Variants in ANO2 observed in about 807,000 individuals in gnomAD.
The protein encoded by ANO2 is anoctamin-2.
A neutral mutation model predicts 124.2 loss-of-function variants in ANO2; 101 were observed. The ratio of observed to expected loss-of-function variants is 0.81; its 90% CI spans 0.69 to 0.96. The LOEUF (loss-of-function observed/expected upper bound fraction) is 0.96. ANO2 is among the 40% of genes least tolerant of loss of function. The pLI is 0.00. For missense variants in ANO2, 1,293 were observed against 1,274.5 expected, an observed-to-expected ratio of 1.01 and a Z score of -0.22; for synonymous variants, 486 against 482.5, an observed-to-expected ratio of 1.01 and a Z score of -0.09.
At chr12:5,825,643 G>C (rs1019056000) in intron 7 of ANO2, among the ~76,000 whole-genome samples, 2 of 152,182 alleles carry the variant, frequency 1.3e-5, no homozygotes, top group African/African-American at 4.8e-5. Flanking sequence ...GGCTAAGGAG[G>C]GAATTACAGT....
chr12:5,835,971 C>G (rs1000583575), intron 4 of ANO2, among the ~76,000 whole-genome samples: 1 of 152,232 alleles, frequency 6.6e-6, no homozygotes, highest in African/African-American at 2.4e-5. Context: ...CCATACCATA[C>G]CCACGTGTCT....
At chr12:5,739,279 C>T (rs772013214) in intron 13 of ANO2, 38 bp downstream of exon 13, 20 of 1,530,096 alleles carry the variant, frequency 1.3e-5, no homozygotes, top group Non-Finnish European at 9.8e-6. Context: ...AAAGCAAAAG[C>T]CCACAGAAGT....
At chr12:5,684,045 T>C (rs897750109) in intron 14 of ANO2, among the ~76,000 whole-genome samples, 1 of 152,196 alleles carries the variant, frequency 6.6e-6, no homozygotes, top group East Asian at 1.9e-4. Flanking sequence ...GGGGTGACTG[T>C]AATCCACTTC....
intron 10 of ANO2, among the ~76,000 whole-genome samples, chr12:5,760,316 T>A (rs1325292546): frequency 6.6e-6 from 1 of 152,188 alleles, no homozygotes; most frequent in African/African-American, 2.4e-5. Context: ...AAAAATGCAA[T>A]CTACCAAGGA....
At chr12:5,823,884 A>G (rs1295023722) in intron 7 of ANO2, among the ~76,000 whole-genome samples, 1 of 152,228 alleles carries the variant, frequency 6.6e-6, no homozygotes, top group Admixed American at 6.5e-5. Context: ...CCAAACCTCA[A>G]TTCTTGACTT....
intron 17 of ANO2, among the ~76,000 whole-genome samples, chr12:5,613,395 G>T (rs958958012): frequency 6.6e-6 from 1 of 152,144 alleles, no homozygotes; most frequent in African/African-American, 2.4e-5. Flanking sequence ...CTAAAGTTGC[G>T]AATAGAGATT....
intron 3 of ANO2, among the ~76,000 whole-genome samples, chr12:5,892,332 G>T (rs938204249): frequency 6.6e-6 from 1 of 152,140 alleles, no homozygotes; most frequent in Non-Finnish European, 1.5e-5. Context: ...GCTCCAGAAG[G>T]TCAGAAGAAT....
At chr12:5,605,684 T>C (rs1944183497) in intron 19 of ANO2, among the ~76,000 whole-genome samples, 1 of 152,106 alleles carries the variant, frequency 6.6e-6, no homozygotes, top group African/African-American at 2.4e-5. Flanking sequence ...GTGTGGCATG[T>C]GTTTCGGGGG....
At chr12:5,912,600 G>A (rs1011888424) in intron 3 of ANO2, among the ~76,000 whole-genome samples, 14 of 152,156 alleles carry the variant, frequency 9.2e-5, no homozygotes, top group African/African-American at 2.2e-4. Context: ...CAGGCTGCCC[G>A]GAGGCGTCCC....
intron 4 of ANO2, among the ~76,000 whole-genome samples, chr12:5,841,099 C>A (rs1254616181): frequency 6.6e-6 from 1 of 152,236 alleles, no homozygotes; most frequent in African/African-American, 2.4e-5. Flanking sequence ...CTGCGAGAGG[C>A]ACACAGGCAC....
intron 1 of ANO2, among the ~76,000 whole-genome samples, chr12:5,941,740 C>T (rs958973824): frequency 1.1e-4 from 17 of 149,992 alleles, no homozygotes; most frequent in African/African-American, 3.9e-4. Flanking sequence ...AATATCAAAT[C>T]TTGAACACTA....
intron 11 of ANO2, among the ~76,000 whole-genome samples, chr12:5,746,479 A>T (rs1344091504): frequency 6.6e-6 from 1 of 152,248 alleles, no homozygotes; most frequent in Non-Finnish European, 1.5e-5. Context: ...CTGCCTCTAG[A>T]CAAGCTGAAA....
intron 3 of ANO2, among the ~76,000 whole-genome samples, chr12:5,889,255 G>A (rs1939211441): frequency 6.6e-6 from 1 of 152,228 alleles, no homozygotes; most frequent in African/African-American, 2.4e-5. Flanking sequence ...GCAAGCTGAG[G>A]GAGCCGACTC....
At position 5,842,347 on chromosome 12, in the gene ANO2, CG is replaced by C. The variant is rs148913892; in HGVS notation, c.634-9745del. ...GATGGTCGGAGGGGTGGATGGAAAA[CG>C]TAACTTTCCACAGGATCTCTTACAC... On this transcript the variant is annotated intron_variant, in intron 4 of 24. Coordinates refer to ENST00000682330, the MANE Select transcript of ANO2 (RefSeq NM_001364791.2). 4.5e-3 allele frequency among the ~76,000 whole-genome samples: 690 copies of C among 152,258 alleles called. 7 individuals are homozygous for C. The highest frequency in any genetic ancestry group is 0.016 in the African/African-American group (650 of 41,554).
intron 1 of ANO2, among the ~76,000 whole-genome samples, chr12:5,936,197 A>G (rs947278776): frequency 6.6e-6 from 1 of 152,058 alleles, no homozygotes; most frequent in Non-Finnish European, 1.5e-5. Flanking sequence ...TGTCTGTTCA[A>G]TTTTCTTGAT....
chr12:5,638,591 C>A (rs192226074), intron 15 of ANO2, among the ~76,000 whole-genome samples: 3 of 151,292 alleles, frequency 2.0e-5, no homozygotes, highest in East Asian at 2.0e-4. Context: ...GCTTATTGTG[C>A]GACCCACTGC....
At chr12:5,931,366 T>C (rs1010337969) in intron 1 of ANO2, among the ~76,000 whole-genome samples, 6 of 152,154 alleles carry the variant, frequency 3.9e-5, no homozygotes, top group Admixed American at 6.5e-5. Flanking sequence ...CACATCTCTG[T>C]TCATTCATTG....
Position 5,876,443 on chromosome 12 carries a change from C to A in ANO2, c.535-22302G>T, listed in dbSNP as rs187757003. Among the ~76,000 whole-genome samples the A allele has an allele frequency of 5.9e-3, 905 of 152,216 alleles. 1 individual carries two copies. The highest frequency in any genetic ancestry group is 8.8e-3 in the Non-Finnish European group (599 of 68,018). On this transcript the variant is annotated intron_variant, in intron 3 of 24. Coordinates refer to ENST00000682330, the MANE Select transcript of ANO2 (RefSeq NM_001364791.2). ...GTGGCAATTCCTCAAGGATCTAGAA[C>A]CAGAAACATCATTTGACGCAGCAAT...
In ANO2 at chr12:5,857,474, A is replaced by G. The variant is rs117097622; in HGVS notation, c.535-3333T>C. ...TCTGCTTTCCATAATGGCTATACCAATTTACATTCCTACCAGCAGTATGTG... is the reference window on the plus strand; with the variant it reads ...TCTGCTTTCCATAATGGCTATACCAGTTTACATTCCTACCAGCAGTATGTG... On this transcript the variant is annotated intron_variant, in intron 3 of 24. Coordinates refer to ENST00000682330, the MANE Select transcript of ANO2 (RefSeq NM_001364791.2). 2.6e-5 allele frequency among the ~76,000 whole-genome samples: 4 copies of G among 152,232 alleles called. No individual in the cohort carries two copies. The East Asian group carries it at 7.7e-4, about 29-fold the overall frequency.
Sources: gnomAD v4.1 joint callset for allele counts (sites outside exome capture counted in the v4.1 genomes callset) on GRCh38, gnomAD v4.1.1 for gene constraint, MANE v1.5 for transcripts, NCBI Gene and HGNC (gene_info 2026-07-23, HGNC 2026-07-21) for gene names.